Variants in CDC42BPB observed in about 807,000 individuals in gnomAD.
The protein encoded by CDC42BPB is serine/threonine-protein kinase MRCK beta.
A neutral mutation model predicts 214.9 loss-of-function variants in CDC42BPB; 37 were observed. The observed-to-expected ratio is 0.17, with a 90% CI of 0.13 to 0.23. The LOEUF is 0.23. Ranked by LOEUF, CDC42BPB falls within the 10% of genes least tolerant of loss-of-function variation. The pLI is 1.00. For synonymous variants in CDC42BPB, 931 were observed against 884.0 expected (o/e 1.05, Z -0.94); for missense variants, 1,694 against 2,227.0 (o/e 0.76, Z 4.82).
chr14:102,981,062 A>G (rs1336721082), intron 7 of CDC42BPB, 41 bp from the exon 8 acceptor site: 7 of 1,612,838 alleles, frequency 4.3e-6, no homozygotes, highest in African/African-American at 1.3e-5. Context: ...AGGTGGACGC[A>G]TTCAGAGAGT....
chr14:102,967,023 C>T (rs540060462), intron 17 of CDC42BPB, 23 bp downstream of exon 17: 19 of 1,609,532 alleles, frequency 1.2e-5, no homozygotes, highest in African/African-American at 8.0e-5. Flanking sequence ...GATTCACGGC[C>T]GCTAATGGGG....
chr14:102,980,848 T>A lies in CDC42BPB; in HGVS notation c.1065A>T (p.Ala355=). 6.2e-7 allele frequency: 1 copy of A among 1,614,158 alleles called. No homozygotes were observed. The highest frequency in any genetic ancestry group is 1.1e-5 in the South Asian group (1 of 91,080). The change falls in exon 8 of 37, where the codon GCA becomes GCT. Residue 355 remains alanine (A), a synonymous_variant. Transcript: ENST00000361246. ...GACTGCTCACATCAGGAATATAAGGTGCTTCTAGGTTTCGTATATTTTCCC... is the reference window on the plus strand; with the variant it reads ...GACTGCTCACATCAGGAATATAAGGAGCTTCTAGGTTTCGTATATTTTCCC... ...LNWENIRNLE[A]PYIPDVSSPS...
intron 1 of CDC42BPB, among the ~76,000 whole-genome samples, chr14:103,056,175 CTAGAGAAG>C (rs1209794723): frequency 3.9e-5 from 6 of 152,190 alleles, no homozygotes; most frequent in East Asian, 3.9e-4. Flanking sequence ...CCGGAACGAA[CTAGAGAAG>C]GCATGCAAAA....
chr14:102,980,204 T>C (rs1893934551), intron 8 of CDC42BPB, among the ~76,000 whole-genome samples: 2 of 152,142 alleles, frequency 1.3e-5, no homozygotes, highest in South Asian at 4.2e-4. Flanking sequence ...CTTTGAAAAG[T>C]ATCAAGTAGG....
At chr14:102,964,895 A>G in intron 18 of CDC42BPB, 1 of 442,718 alleles carries the variant, frequency 2.3e-6, no homozygotes, top group Non-Finnish European at 3.0e-6. Context: ...AATAAAAGTG[A>G]TTCTGTAGTG....
chr14:102,983,915 T>A (rs970149737), intron 6 of CDC42BPB, 159 bp from the exon 7 acceptor site: 2 of 984,800 alleles, frequency 2.0e-6, no homozygotes, highest in African/African-American at 3.5e-5. Flanking sequence ...TCAAGCTGAG[T>A]ATAGTGCCTC....
chr14:102,989,861 A>C (rs995845242), intron 5 of CDC42BPB, among the ~76,000 whole-genome samples: 1 of 140,344 alleles, frequency 7.1e-6, no homozygotes, highest in Admixed American at 7.4e-5. Flanking sequence ...CTCTGTTTCA[A>C]AAAAAAAAAG....
In CDC42BPB at chr14:102,963,170, A is replaced by C. The variant is rs1296435763; in HGVS notation, c.2727-15T>G. The C allele has an allele frequency of 1.3e-6, 2 of 1,578,100 alleles. No homozygotes were observed. Among genetic ancestry groups the C allele is most frequent in the African/African-American group, 2.7e-5 (2 of 74,020 alleles). On this transcript the variant is annotated splice_polypyrimidine_tract_variant and intron_variant, in intron 19 of 36. Coordinates refer to ENST00000361246, the MANE Select transcript of CDC42BPB (RefSeq NM_006035.4). ...CCTTTAGTTTGCTAAAATAAAAAATAAATGGCTTTAAGTGCACTGAGAAGA... is the reference window on the plus strand; with the variant it reads ...CCTTTAGTTTGCTAAAATAAAAAATCAATGGCTTTAAGTGCACTGAGAAGA...
In CDC42BPB at chr14:102,946,646, G is replaced by C; in HGVS notation, c.3570C>G (p.Ser1190Arg). The C allele has an allele frequency of 6.2e-7, 1 of 1,612,790 alleles. No individual in the cohort carries two copies. The highest frequency in any genetic ancestry group is 1.1e-5 in the South Asian group (1 of 91,088). Residue 1190 changes from serine to arginine, a missense_variant, in exon 28 of 37, where the codon AGC becomes AGG. Coordinates refer to ENST00000361246, the MANE Select transcript of CDC42BPB (RefSeq NM_006035.4). ...ASLLGAPSKT[S>R]SLLILTENEN... ...CATTTTCTGTCAGAATGAGCAGCGA[G>C]CTGGTCTTAGAAGGTGCACCTAAGA...
At chr14:102,966,852 C>T (rs770817993) in intron 17 of CDC42BPB, among the ~76,000 whole-genome samples, 194 bp downstream of exon 17, 2 of 152,090 alleles carry the variant, frequency 1.3e-5, no homozygotes, top group Non-Finnish European at 2.9e-5. Context: ...TTGGTGGGGG[C>T]GTATCTCCAC....
At chr14:102,945,859 G>T in intron 28 of CDC42BPB, 135 bp from the exon 29 acceptor site, 2 of 721,154 alleles carry the variant, frequency 2.8e-6, no homozygotes, top group Non-Finnish European at 4.9e-6. Flanking sequence ...CCAGGGATGT[G>T]ACACTTCAGT....
chr14:102,999,570 C>T lies in CDC42BPB; in HGVS notation c.591G>A (p.Val197=). 1.2e-6 allele frequency: 2 copies of T among 1,613,924 alleles called. No individual in the cohort carries two copies. Among genetic ancestry groups the T allele is most frequent in the Non-Finnish European group, 1.7e-6 (2 of 1,179,872 alleles). ...AIDSIHQLHY[V]HRDIKPDNVL... is the part of the protein sequence containing the mutation. ...ATATATCAGAAGCCGGTTACCTGTG[C>T]ACGTAATGAAGCTGATGGATGGAGT... The change falls in exon 5 of 37, where the codon GTG becomes GTA. Residue 197 remains valine, a synonymous_variant. Transcript: ENST00000361246.
At chr14:102,986,339 A>G in intron 6 of CDC42BPB, 148 bp downstream of exon 6, 3 of 577,510 alleles carry the variant, frequency 5.2e-6, no homozygotes, top group Non-Finnish European at 9.2e-6. Flanking sequence ...AAAACTCCCC[A>G]AACAGAAAAT....
intron 1 of CDC42BPB, among the ~76,000 whole-genome samples, chr14:103,054,524 G>GTGCTTTCCA (rs1888831755): frequency 6.6e-6 from 1 of 152,156 alleles, no homozygotes; most frequent in Non-Finnish European, 1.5e-5. Flanking sequence ...ACATTATTCT[G>GTGCTTTCCA]TGCTTTCCAA....
At chr14:102,980,637 G>A (rs1893954956) in intron 8 of CDC42BPB, 136 bp downstream of exon 8, 1 of 761,752 alleles carries the variant, frequency 1.3e-6, no homozygotes, top group Non-Finnish European at 2.2e-6. Context: ...CTGAAGGCTG[G>A]AATAAAAAGC....
At chr14:103,008,415 G>T in intron 3 of CDC42BPB, 57 bp downstream of exon 3, 1 of 1,144,348 alleles carries the variant, frequency 8.7e-7, no homozygotes, top group Non-Finnish European at 1.3e-6. Flanking sequence ...TGGCTTCACA[G>T]TCACTTTCTG....
Position 103,012,172 on chromosome 14 carries a change from C to G in CDC42BPB, c.192G>C (p.Gln64His), listed in dbSNP as rs780909971. Residue 64 changes from glutamine to histidine, a missense_variant, in exon 2 of 37, where the codon CAG becomes CAC. This residue lies in a region of CDC42BPB where 225 missense variants were observed against 459.3 expected (regional missense o/e 0.49). Coordinates refer to ENST00000361246, the MANE Select transcript of CDC42BPB (RefSeq NM_006035.4). ...EFLEWAKPFT[Q>H]LVKEMQLHRE... is the part of the protein sequence containing the mutation. Reference sequence around the variant, plus strand: ...GATGAAGCTGCATTTCTTTCACCAGCTGTGTAAATGGTTTAGCTACAAGTA... The same window carrying G: ...GATGAAGCTGCATTTCTTTCACCAGGTGTGTAAATGGTTTAGCTACAAGTA... The G allele has an allele frequency of 1.3e-5, 21 of 1,613,052 alleles. No homozygotes were observed. The highest frequency in any genetic ancestry group is 1.7e-5 in the Admixed American group (1 of 59,986).
intron 24 of CDC42BPB, among the ~76,000 whole-genome samples, chr14:102,951,678 T>C (rs1467795819): frequency 6.6e-6 from 1 of 151,820 alleles, no homozygotes; most frequent in Non-Finnish European, 1.5e-5. Context: ...CCCCAGCTAC[T>C]TGGGCGGATG....
chr14:102,970,732 T>C (rs2139469337), intron 13 of CDC42BPB, among the ~76,000 whole-genome samples: 1 of 152,300 alleles, frequency 6.6e-6, no homozygotes, highest in South Asian at 2.1e-4. Context: ...CCAGGCACTG[T>C]TATCACTTCC....
Sources: gnomAD v4.1 joint callset for allele counts (sites outside exome capture counted in the v4.1 genomes callset) on GRCh38, gnomAD v4.1.1 for gene constraint, gnomAD v4.1.1 regional missense constraint, MANE v1.5 for transcripts, NCBI Gene and HGNC (gene_info 2026-07-23, HGNC 2026-07-21) for gene names.